GRM8: variants seen among roughly 807,000 people sequenced by gnomAD.
GRM8 encodes metabotropic glutamate receptor 8.
Under a neutral mutation model 87.2 loss-of-function variants are expected in GRM8, and 47 were observed. The observed-to-expected ratio is 0.54, with a 90% CI of 0.43 to 0.69. GRM8 has a LOEUF of 0.69. Among genes scored for constraint, GRM8 ranks in the 30% least tolerant of loss-of-function variants. The probability of loss-of-function intolerance (pLI) is 0.00; values close to 1 mark genes in which losing one functional copy is unlikely to be tolerated. For missense variants in GRM8, 1,019 were observed against 1,139.2 expected, an observed-to-expected ratio of 0.89 and a Z score of 1.52; for synonymous variants, 396 against 404.5, an observed-to-expected ratio of 0.98 and a Z score of 0.25.
chr7:126,674,696 T>C (rs1806750941), intron 7 of GRM8, among the ~76,000 whole-genome samples: 1 of 151,448 alleles, frequency 6.6e-6, no homozygotes, highest in Admixed American at 6.6e-5. Flanking sequence ...AAAAGAAAAA[T>C]TAGAGTAAGC....
chr7:126,787,242 A>G (rs1196896035), intron 6 of GRM8, among the ~76,000 whole-genome samples: 2 of 150,178 alleles, frequency 1.3e-5, no homozygotes, highest in Non-Finnish European at 2.9e-5. Context: ...TTATGTCACC[A>G]ACAAGTTTCA....
chr7:126,580,235 G>A (rs1383252826), intron 8 of GRM8, among the ~76,000 whole-genome samples: 1 of 152,106 alleles, frequency 6.6e-6, no homozygotes, highest in Non-Finnish European at 1.5e-5. Context: ...TAAAAGCCAT[G>A]TTCCAAGTTG....
chr7:127,091,422 GACTGGTCATCCCCCCACCACCATCCC>G (rs1332972519), intron 3 of GRM8, among the ~76,000 whole-genome samples: 14 of 42,668 alleles, frequency 3.3e-4, no homozygotes, highest in African/African-American at 1.2e-3. Context: ...TCTCACTGAT[GACTGGTCATCCCCCCACCACCATCCC>G]ACTGGTCATC....
chr7:126,950,005 G>A (rs1001138115), intron 3 of GRM8, among the ~76,000 whole-genome samples: 1 of 152,142 alleles, frequency 6.6e-6, no homozygotes, highest in Non-Finnish European at 1.5e-5. Context: ...CCCTCACTTT[G>A]CAGTACCACT....
At chr7:127,203,759 T>C (rs1001793189) in intron 2 of GRM8, among the ~76,000 whole-genome samples, 4 of 149,970 alleles carry the variant, frequency 2.7e-5, no homozygotes, top group Non-Finnish European at 5.9e-5. Flanking sequence ...GAACCAACTG[T>C]TGAAACCTCA....
chr7:127,028,574 G>T (rs955968221), intron 3 of GRM8, among the ~76,000 whole-genome samples: 3 of 152,274 alleles, frequency 2.0e-5, no homozygotes, highest in Non-Finnish European at 2.9e-5. Flanking sequence ...AGGTATATGT[G>T]TCCAGGAATT....
At chr7:126,530,812 T>C (rs1814690107) in intron 9 of GRM8, among the ~76,000 whole-genome samples, 1 of 152,210 alleles carries the variant, frequency 6.6e-6, no homozygotes, top group Non-Finnish European at 1.5e-5. Context: ...AGCATTTATT[T>C]ATTTTTTTTG....
intron 2 of GRM8, among the ~76,000 whole-genome samples, chr7:127,182,662 T>C (rs1284056966): frequency 2.0e-5 from 3 of 150,680 alleles, no homozygotes; most frequent in African/African-American, 7.3e-5. Flanking sequence ...TGTGTGTGTG[T>C]GTGTGTGTGT....
intron 3 of GRM8, among the ~76,000 whole-genome samples, chr7:127,051,739 C>CAAAAAAAAAAAAAAAAAAAA (rs59713382): frequency 1.7e-5 from 1 of 58,462 alleles, no homozygotes; most frequent in Non-Finnish European, 3.3e-5. Flanking sequence ...TAATGTTGAG[C>CAAAAAAAAAAAAAAAAAAAA]AAAAAAAAAA....
chr7:126,664,213 C>T (rs1242323777), intron 7 of GRM8, among the ~76,000 whole-genome samples: 1 of 152,058 alleles, frequency 6.6e-6, no homozygotes, highest in Non-Finnish European at 1.5e-5. Context: ...TCATACTGCC[C>T]AAAGCAATCT....
intron 2 of GRM8, among the ~76,000 whole-genome samples, chr7:127,168,974 G>T (rs935549780): frequency 1.3e-5 from 2 of 149,084 alleles, no homozygotes; most frequent in African/African-American, 5.0e-5. Flanking sequence ...AAACCTGCAC[G>T]TTCTGCACAT....
intron 2 of GRM8, among the ~76,000 whole-genome samples, chr7:127,131,568 T>C (rs936767239): frequency 6.6e-6 from 1 of 152,310 alleles, no homozygotes. Flanking sequence ...TACCACCTTC[T>C]CAATTCTTCT....
intron 7 of GRM8, among the ~76,000 whole-genome samples, chr7:126,647,293 GGATAGATA>G (rs58263801): frequency 0.14 from 19,819 of 142,928 alleles, 1,716 homozygotes; most frequent in African/African-American, 0.25. Context: ...ATAAATAGAT[GGATAGATA>G]GATAGATAGA....
At chr7:126,484,028 CATA>C (rs1807062165) in intron 9 of GRM8, among the ~76,000 whole-genome samples, 1 of 151,992 alleles carries the variant, frequency 6.6e-6, no homozygotes, top group African/African-American at 2.4e-5. Flanking sequence ...TGCTTTGCTT[CATA>C]ATAATTACCC....
intron 6 of GRM8, among the ~76,000 whole-genome samples, chr7:126,887,742 G>A (rs1800635944): frequency 6.6e-6 from 1 of 152,028 alleles, no homozygotes; most frequent in East Asian, 1.9e-4. Context: ...AATCAAACCT[G>A]CAGTTCTCCA....
At chr7:126,831,321 G>A (rs1464409331) in intron 6 of GRM8, among the ~76,000 whole-genome samples, 1 of 152,232 alleles carries the variant, frequency 6.6e-6, no homozygotes, top group Admixed American at 6.5e-5. Flanking sequence ...GCCTACAGAG[G>A]CAGGCAGGCC....
At chr7:126,901,323 A>G (rs1413412518) in intron 6 of GRM8, among the ~76,000 whole-genome samples, 2 of 151,900 alleles carry the variant, frequency 1.3e-5, no homozygotes, top group Non-Finnish European at 2.9e-5. Flanking sequence ...TCCTCCTAAT[A>G]CCCAGGTTAG....
intron 6 of GRM8, among the ~76,000 whole-genome samples, chr7:126,865,723 T>C (rs1410583770): frequency 6.6e-6 from 1 of 152,254 alleles, no homozygotes; most frequent in Non-Finnish European, 1.5e-5. Context: ...CTTAGCATCA[T>C]GCTTTCAAGG....
intron 7 of GRM8, among the ~76,000 whole-genome samples, chr7:126,751,645 C>A (rs895832667): frequency 6.6e-6 from 1 of 152,144 alleles, no homozygotes; most frequent in African/African-American, 2.4e-5. Flanking sequence ...AAGGAAGGCA[C>A]CATTGCACTT....
Sources: gnomAD v4.1 joint callset for allele counts (sites outside exome capture counted in the v4.1 genomes callset) on GRCh38, gnomAD v4.1.1 for gene constraint, MANE v1.5 for transcripts, NCBI Gene and HGNC (gene_info 2026-07-23, HGNC 2026-07-21) for gene names.